ARHGAP31: variants seen among roughly 807,000 people sequenced by gnomAD.
ARHGAP31 encodes rho GTPase-activating protein 31.
Under a neutral mutation model 113.9 loss-of-function variants are expected in ARHGAP31, and 34 were observed. The observed-to-expected ratio is 0.30, with a 90% CI of 0.23 to 0.40. ARHGAP31 has a LOEUF of 0.40. Among genes scored for constraint, ARHGAP31 ranks in the 10% least tolerant of loss-of-function variants. The pLI, the probability that ARHGAP31 is intolerant of heterozygous loss-of-function variation, is 1.00. For synonymous variants in ARHGAP31, 650 were observed against 684.8 expected, an observed-to-expected ratio of 0.95 and a Z score of 0.79; for missense variants, 1,548 against 1,767.1, an observed-to-expected ratio of 0.88 and a Z score of 2.22.
Position 119,413,917 on chromosome 3 carries a change from T to A in ARHGAP31, c.1988T>A (p.Ile663Asn). 1 of 1,614,222 alleles carries A rather than the reference T, an allele frequency of 6.2e-7. No homozygotes were observed. The highest frequency in any genetic ancestry group is 8.5e-7 in the Non-Finnish European group (1 of 1,180,044). Residue 663 changes from isoleucine (I) to asparagine (N), a missense_variant, in exon 12 of 12, where the codon ATT (isoleucine) becomes AAT (asparagine). Ile to Asn is a moderately radical substitution (Grantham distance 149). Transcript: ENST00000264245. ...GAGATTCAACAGGAGCTGAAAATCA[T>A]TGAATCTGAGGAGGAGCTCTCATCG... The part of the protein sequence containing the change: ...WPEIQQELKI[I>N]ESEEELSSLP...
At chr3:119,395,376 G>A (rs1358786864) in intron 8 of ARHGAP31, among the ~76,000 whole-genome samples, 1 of 152,198 alleles carries the variant, frequency 6.6e-6, no homozygotes, top group Non-Finnish European at 1.5e-5. Flanking sequence ...CACCCTGATA[G>A]AGGGAAGGCT....
chr3:119,307,637 T>C (rs2079641842), intron 1 of ARHGAP31, among the ~76,000 whole-genome samples: 2 of 152,264 alleles, frequency 1.3e-5, no homozygotes, highest in South Asian at 2.1e-4. Context: ...TATATTTCTT[T>C]AGCAATTAGA....
chr3:119,393,697 A>C, intron 8 of ARHGAP31, 106 bp downstream of exon 8: 1 of 1,468,860 alleles, frequency 6.8e-7, no homozygotes, highest in Non-Finnish European at 9.3e-7. Flanking sequence ...TGAAAGAGAA[A>C]CTTATAAATT....
intron 1 of ARHGAP31, among the ~76,000 whole-genome samples, chr3:119,300,844 AAGAAAG>A (rs1318881474): frequency 2.4e-5 from 2 of 82,398 alleles, no homozygotes; most frequent in Admixed American, 1.3e-4. Context: ...AAAAAAAAAA[AAGAAAG>A]AAAGAAAGAA....
intron 1 of ARHGAP31, among the ~76,000 whole-genome samples, chr3:119,315,960 C>A (rs76864409): frequency 6.6e-6 from 1 of 152,162 alleles, no homozygotes; most frequent in Non-Finnish European, 1.5e-5. Flanking sequence ...CCTATGAAGT[C>A]GTGAGGCAGG....
chr3:119,375,725 T>C (rs1438722172), intron 3 of ARHGAP31, among the ~76,000 whole-genome samples: 4 of 152,214 alleles, frequency 2.6e-5, no homozygotes, highest in Non-Finnish European at 5.9e-5. Flanking sequence ...TGACTTGAGA[T>C]TTTTAGAGAA....
At chr3:119,336,767 C>A (rs887640239) in intron 1 of ARHGAP31, among the ~76,000 whole-genome samples, 4 of 152,110 alleles carry the variant, frequency 2.6e-5, no homozygotes, top group African/African-American at 9.7e-5. Context: ...ATTTGCATCA[C>A]CCTCAAAAGA....
chr3:119,328,248 G>C (rs1325221066), intron 1 of ARHGAP31, among the ~76,000 whole-genome samples: 2 of 152,124 alleles, frequency 1.3e-5, no homozygotes, highest in African/African-American at 4.8e-5. Flanking sequence ...GACATTAAGA[G>C]GGGGGAAAAC....
rs114277641 is a variant in ARHGAP31 at position 119,318,188 on chromosome 3, T to C, written c.100+23184T>C. Among the ~76,000 whole-genome samples the C allele has an allele frequency of 5.3e-3, 810 of 152,238 alleles. 12 individuals carry two copies. Among genetic ancestry groups the C allele is most frequent in the African/African-American group, 0.017 (711 of 41,532 alleles). On this transcript the variant is annotated intron_variant, in intron 1 of 11. Transcript: ENST00000264245. ...AAGAGGCTGAAGTGGGAGGACTGCT[T>C]GAACCCAGGAAGTCGAGGCTGCAGT... is the stretch of plus-strand genomic sequence containing the variant.
intron 6 of ARHGAP31, among the ~76,000 whole-genome samples, chr3:119,389,159 T>TA (rs958744008): frequency 1.3e-4 from 19 of 151,460 alleles, no homozygotes; most frequent in Non-Finnish European, 1.8e-4. Flanking sequence ...AGACTCCGTT[T>TA]AAAAAAAACA....
intron 6 of ARHGAP31, among the ~76,000 whole-genome samples, chr3:119,389,660 C>T (rs2080487425): frequency 6.6e-6 from 1 of 152,170 alleles, no homozygotes. Context: ...TACTTCTTCC[C>T]ACCCACAGAG....
intron 1 of ARHGAP31, among the ~76,000 whole-genome samples, chr3:119,323,091 G>A (rs2079807332): frequency 6.6e-6 from 1 of 152,202 alleles, no homozygotes; most frequent in Non-Finnish European, 1.5e-5. Flanking sequence ...TCTGCTCTGC[G>A]CGCCGCAGCT....
At chr3:119,301,973 G>A (rs2079588436) in intron 1 of ARHGAP31, among the ~76,000 whole-genome samples, 1 of 152,200 alleles carries the variant, frequency 6.6e-6, no homozygotes, top group East Asian at 1.9e-4. Flanking sequence ...CTTCAGACCA[G>A]CCTTGAGGCC....
intron 1 of ARHGAP31, among the ~76,000 whole-genome samples, chr3:119,328,501 T>C (rs906725488): frequency 1.3e-5 from 2 of 152,240 alleles, no homozygotes; most frequent in Non-Finnish European, 2.9e-5. Context: ...ATTTTAGAGC[T>C]ACCTGTTAGC....
At chr3:119,382,786 G>A (rs2080413365) in intron 5 of ARHGAP31, among the ~76,000 whole-genome samples, 1 of 152,198 alleles carries the variant, frequency 6.6e-6, no homozygotes, top group Non-Finnish European at 1.5e-5. Flanking sequence ...CCATAGAACA[G>A]TTAGGTGGGA....
chr3:119,382,168 T>C (rs1559986627), intron 4 of ARHGAP31, 124 bp from the exon 5 acceptor site: 10 of 1,004,474 alleles, frequency 1.0e-5, no homozygotes, highest in African/African-American at 3.2e-5. Context: ...ATCTTTCCAA[T>C]GTCAATTCAT....
intron 8 of ARHGAP31, 78 bp downstream of exon 8, chr3:119,393,669 T>TG: frequency 3.9e-6 from 6 of 1,522,382 alleles, no homozygotes; most frequent in Non-Finnish European, 5.5e-6. Context: ...GGTTTGATCA[T>TG]ATCAAACACA....
chr3:119,366,620 C>G (rs1228454464), intron 2 of ARHGAP31, among the ~76,000 whole-genome samples: 2 of 152,120 alleles, frequency 1.3e-5, no homozygotes, highest in Non-Finnish European at 2.9e-5. Flanking sequence ...TAGGTAGCAT[C>G]CCGGAAGGAC....
intron 1 of ARHGAP31, among the ~76,000 whole-genome samples, chr3:119,344,265 CT>C (rs2080035378): frequency 6.6e-6 from 1 of 152,222 alleles, no homozygotes; most frequent in Non-Finnish European, 1.5e-5. Context: ...TCTGTCAACT[CT>C]AATCAGAAAG....
Sources: allele counts gnomAD v4.1 joint callset (sites outside exome capture counted in the v4.1 genomes callset), GRCh38; gene constraint gnomAD v4.1.1; transcripts MANE v1.5; gene names NCBI Gene and HGNC (gene_info 2026-07-23, HGNC 2026-07-21).